Variants in PTPRD observed in about 807,000 individuals in gnomAD.
The protein encoded by PTPRD is receptor-type tyrosine-protein phosphatase delta.
A neutral mutation model predicts 214.5 loss-of-function variants in PTPRD; 34 were observed. That is an observed-to-expected ratio of 0.16 (90% CI 0.12 to 0.21). PTPRD has a LOEUF of 0.21. PTPRD is among the 10% of genes least tolerant of loss of function. PTPRD has a pLI of 1.00. For missense variants in PTPRD, 2,545 were observed against 2,398.7 expected, an observed-to-expected ratio of 1.06 and a Z score of -1.27; for synonymous variants, 1,128 against 845.7, an observed-to-expected ratio of 1.33 and a Z score of -5.79.
At chr9:10,391,743 T>C (rs1256121143) in intron 2 of PTPRD, among the ~76,000 whole-genome samples, 2 of 151,812 alleles carry the variant, frequency 1.3e-5, no homozygotes, top group African/African-American at 2.4e-5. Flanking sequence ...CCAATATAAA[T>C]TAGAATATTT....
At chr9:8,789,650 G>A (rs2096140931) in intron 11 of PTPRD, among the ~76,000 whole-genome samples, 2 of 151,884 alleles carry the variant, frequency 1.3e-5, no homozygotes, top group African/African-American at 2.4e-5. Context: ...TTTTTAAACT[G>A]CTAGTACCTT....
At position 10,030,347 on chromosome 9, in the gene PTPRD, G is replaced by C. The variant is rs1189658965; in HGVS notation, c.-472+3371C>G. Among the ~76,000 whole-genome samples the C allele has an allele frequency of 2.2e-4, 34 of 152,168 alleles. 2 individuals carry two copies. Among genetic ancestry groups the C allele is most frequent in the Admixed American group, 2.2e-3 (34 of 15,268 alleles). The stretch of plus-strand genomic sequence containing the variant: ...CAGAAATGAGAAAACAAAAGAAAAG[G>C]TGTTTGTGATAATATGAATTCAATT... On this transcript the variant is annotated intron_variant, in intron 4 of 45. Transcript: ENST00000381196.
intron 3 of PTPRD, among the ~76,000 whole-genome samples, chr9:10,277,707 C>T (rs978195940): frequency 1.3e-5 from 2 of 152,176 alleles, no homozygotes; most frequent in African/African-American, 4.8e-5. Flanking sequence ...AATATATGCT[C>T]TTTTGTGATA....
chr9:10,457,422 A>G (rs1378786482), intron 2 of PTPRD, among the ~76,000 whole-genome samples: 1 of 152,010 alleles, frequency 6.6e-6, no homozygotes, highest in African/African-American at 2.4e-5. Flanking sequence ...CATATAGTCT[A>G]TAAAGTCTTG....
chr9:8,989,186 A>G (rs1465069948), intron 11 of PTPRD, among the ~76,000 whole-genome samples: 5 of 151,972 alleles, frequency 3.3e-5, no homozygotes, highest in Non-Finnish European at 7.4e-5. Context: ...GATATTCATC[A>G]CCTCAAACAT....
intron 11 of PTPRD, among the ~76,000 whole-genome samples, chr9:8,998,146 T>A (rs942453974): frequency 3.3e-5 from 5 of 152,098 alleles, no homozygotes; most frequent in Non-Finnish European, 5.9e-5. Flanking sequence ...GCTAAAATAA[T>A]TGATGAAGGT....
intron 2 of PTPRD, among the ~76,000 whole-genome samples, chr9:10,504,183 T>TA (rs1450520259): frequency 7.0e-6 from 1 of 142,860 alleles, no homozygotes; most frequent in African/African-American, 2.6e-5. Flanking sequence ...TTCTTGAGTC[T>TA]AAAGCCAAAG....
intron 3 of PTPRD, among the ~76,000 whole-genome samples, chr9:10,118,588 G>A (rs1286703550): frequency 6.6e-6 from 1 of 151,524 alleles, no homozygotes; most frequent in African/African-American, 2.4e-5. Context: ...TCATAAATGT[G>A]CAAGTAAAAA....
intron 3 of PTPRD, among the ~76,000 whole-genome samples, chr9:10,211,731 A>G (rs575049183): frequency 6.6e-6 from 1 of 152,278 alleles, no homozygotes; most frequent in Non-Finnish European, 1.5e-5. Flanking sequence ...CTTACTTAGA[A>G]GTGAGAGCTA....
intron 12 of PTPRD, among the ~76,000 whole-genome samples, chr9:8,638,390 C>T (rs1404156546): frequency 2.0e-5 from 3 of 151,872 alleles, no homozygotes; most frequent in Non-Finnish European, 2.9e-5. Flanking sequence ...TCAAGGAAGC[C>T]GGATTCCTAT....
Position 8,784,331 on chromosome 9 carries a change from TC to T in PTPRD, c.-103-50386del, listed in dbSNP as rs545120819. On this transcript the variant is annotated intron_variant, in intron 11 of 45. Coordinates refer to ENST00000381196, the MANE Select transcript of PTPRD (RefSeq NM_002839.4). ...TTCCCAGTTTTAAATAAATTTCATT[TC>T]TTAAACGTAAATGCATGCTATTACG... 3.9e-5 allele frequency among the ~76,000 whole-genome samples: 6 copies of T among 152,370 alleles called. No individual in the cohort carries two copies. The East Asian group carries it at 1.2e-3, about 29-fold the overall frequency.
chr9:9,278,607 G>C (rs1221997081), intron 9 of PTPRD, among the ~76,000 whole-genome samples: 2 of 151,278 alleles, frequency 1.3e-5, no homozygotes, highest in Non-Finnish European at 3.0e-5. Context: ...GAGTAGAGAG[G>C]TGATACTTGT....
intron 12 of PTPRD, among the ~76,000 whole-genome samples, chr9:8,673,404 T>G (rs1045846976): frequency 6.6e-5 from 10 of 152,170 alleles, no homozygotes; most frequent in South Asian, 2.1e-4. Flanking sequence ...TATTCTGCAC[T>G]GCACTTAACA....
intron 4 of PTPRD, among the ~76,000 whole-genome samples, chr9:10,033,332 A>G (rs1400078753): frequency 1.3e-5 from 2 of 151,870 alleles, no homozygotes; most frequent in African/African-American, 2.4e-5. Context: ...AGTATAGTGT[A>G]TTAGCTTTTT....
rs533062820 is a variant in PTPRD at position 9,857,299 on chromosome 9, G to A, written c.-368+81208C>T. On this transcript the variant is annotated intron_variant, in intron 5 of 45. Transcript: ENST00000381196. ...AATTCTCTGAGTTCTTGTTACCAGG[G>A]TGTGAAGCATCATTCTGCTACTTCC... is the stretch of plus-strand genomic sequence containing the variant. Among the ~76,000 whole-genome samples the A allele has an allele frequency of 2.0e-5, 3 of 152,272 alleles. No homozygotes were observed. In the South Asian group the frequency reaches 6.2e-4, roughly 32 times the overall value.
chr9:9,312,151 A>G (rs1436837299), intron 9 of PTPRD, among the ~76,000 whole-genome samples: 1 of 152,174 alleles, frequency 6.6e-6, no homozygotes, highest in Non-Finnish European at 1.5e-5. Context: ...AAAATATTTC[A>G]TTTGATCCTA....
chr9:9,971,409 G>C (rs143558286), intron 4 of PTPRD, among the ~76,000 whole-genome samples: 22 of 152,186 alleles, frequency 1.4e-4, no homozygotes, highest in African/African-American at 5.1e-4. Context: ...TCATTTTGAA[G>C]GTAGAAGATT....
At chr9:9,008,331 C>T (rs920990407) in intron 11 of PTPRD, among the ~76,000 whole-genome samples, 15 of 151,580 alleles carry the variant, frequency 9.9e-5, no homozygotes, top group African/African-American at 3.2e-4. Context: ...CAGTTCATGT[C>T]ACTCTCCTGC....
chr9:9,067,571 G>A (rs1418480396), intron 10 of PTPRD, among the ~76,000 whole-genome samples: 1 of 152,080 alleles, frequency 6.6e-6, no homozygotes, highest in Non-Finnish European at 1.5e-5. Context: ...ATACTTCAAG[G>A]TTTGCAAGGA....
Sources: gnomAD v4.1 joint callset for allele counts (sites outside exome capture counted in the v4.1 genomes callset) on GRCh38, gnomAD v4.1.1 for gene constraint, MANE v1.5 for transcripts, NCBI Gene and HGNC (gene_info 2026-07-23, HGNC 2026-07-21) for gene names.